Variants in CYP2C18 observed in about 807,000 individuals in gnomAD.
The protein encoded by CYP2C18 is cytochrome P450 family 2 subfamily C member 18.
Under a neutral mutation model 41.3 loss-of-function variants are expected in CYP2C18, and 38 were observed. The ratio of observed to expected loss-of-function variants is 0.92; its 90% CI spans 0.71 to 1.21. CYP2C18 has a LOEUF of 1.21. Ranked by LOEUF, CYP2C18 falls within the 50% of genes most tolerant of loss-of-function variation. The probability of loss-of-function intolerance (pLI) is 0.00; values close to 1 mark genes in which losing one functional copy is unlikely to be tolerated. For missense variants in CYP2C18, 635 were observed against 591.4 expected, an observed-to-expected ratio of 1.07 and a Z score of -0.77; for synonymous variants, 236 against 210.0, an observed-to-expected ratio of 1.12 and a Z score of -1.07.
At chr10:94,697,261 A>G (rs1427459327) in intron 4 of CYP2C18, among the ~76,000 whole-genome samples, 1 of 152,268 alleles carries the variant, frequency 6.6e-6, no homozygotes, top group East Asian at 1.9e-4. Flanking sequence ...AGGGAAGCCC[A>G]TCAGACTAAC....
intron 7 of CYP2C18, among the ~76,000 whole-genome samples, chr10:94,732,149 C>T (rs1307774586): frequency 6.6e-6 from 1 of 151,948 alleles, no homozygotes; most frequent in Non-Finnish European, 1.5e-5. Flanking sequence ...CAAATAATGC[C>T]ATTAAAAAGT....
At chr10:94,684,068 G>A in intron 1 of CYP2C18, 81 bp downstream of exon 1, 2 of 997,104 alleles carry the variant, frequency 2.0e-6, no homozygotes, top group Non-Finnish European at 2.8e-6. Context: ...TCATTTTAAA[G>A]TGATAAATGA....
intron 1 of CYP2C18, 70 bp downstream of exon 1, chr10:94,684,057 T>C: frequency 8.8e-7 from 1 of 1,140,392 alleles, no homozygotes; most frequent in Non-Finnish European, 1.2e-6. Flanking sequence ...AAAGTTTTAT[T>C]TCATTTTAAA....
intron 3 of CYP2C18, among the ~76,000 whole-genome samples, chr10:94,692,786 G>A (rs1441493655): frequency 6.6e-6 from 1 of 152,114 alleles, no homozygotes; most frequent in Non-Finnish European, 1.5e-5. Flanking sequence ...GTCCAACAAC[G>A]ATAGACTGGA....
At chr10:94,702,001 A>T (rs936423002) in intron 4 of CYP2C18, among the ~76,000 whole-genome samples, 2 of 152,130 alleles carry the variant, frequency 1.3e-5, no homozygotes, top group African/African-American at 4.8e-5. Flanking sequence ...CTGGTAAAAA[A>T]AAAATAAAAA....
intron 8 of CYP2C18, 34 bp downstream of exon 8, chr10:94,733,472 G>A (rs758844768): frequency 5.0e-6 from 8 of 1,610,204 alleles, no homozygotes; most frequent in Admixed American, 3.4e-5. Context: ...GTCCTTCAGG[G>A]CACATGATAC....
intron 5 of CYP2C18, among the ~76,000 whole-genome samples, chr10:94,715,446 G>A (rs536816724): frequency 1.3e-5 from 2 of 152,112 alleles, no homozygotes; most frequent in Non-Finnish European, 2.9e-5. Context: ...TAATCATGTG[G>A]TTTTTGTCTT....
intron 7 of CYP2C18, among the ~76,000 whole-genome samples, chr10:94,730,383 C>T (rs995365656): frequency 2.0e-5 from 3 of 152,106 alleles, no homozygotes; most frequent in African/African-American, 7.2e-5. Flanking sequence ...CAATTCATTT[C>T]TCTTTTCAAG....
chr10:94,714,283 T>A (rs1353050945), intron 5 of CYP2C18, among the ~76,000 whole-genome samples: 1 of 152,180 alleles, frequency 6.6e-6, no homozygotes, highest in African/African-American at 2.4e-5. Flanking sequence ...ATTGCCTAGG[T>A]TTTCTTCTAG....
chr10:94,718,405 C>T (rs1283224741), intron 5 of CYP2C18, among the ~76,000 whole-genome samples: 3 of 151,498 alleles, frequency 2.0e-5, no homozygotes, highest in Admixed American at 6.6e-5. Context: ...GACAATTTTA[C>T]TTCTTTTCTT....
intron 7 of CYP2C18, among the ~76,000 whole-genome samples, chr10:94,727,614 C>CAAA (rs201693884): frequency 7.1e-6 from 1 of 140,672 alleles, no homozygotes; most frequent in Non-Finnish European, 1.5e-5. Context: ...GGCCCTGTCT[C>CAAA]AAAAAAAACA....
chr10:94,732,278 C>T (rs930884508), intron 7 of CYP2C18, among the ~76,000 whole-genome samples: 2 of 152,052 alleles, frequency 1.3e-5, no homozygotes, highest in African/African-American at 4.8e-5. Flanking sequence ...GGGATACCAT[C>T]TCACATCAGT....
chr10:94,734,622 G>C (rs946476223), intron 8 of CYP2C18, among the ~76,000 whole-genome samples: 1 of 152,080 alleles, frequency 6.6e-6, no homozygotes, highest in Admixed American at 6.6e-5. Flanking sequence ...AAGAGATAAA[G>C]CTTGAAACTT....
chr10:94,717,937 A>AT (rs1257238339), intron 5 of CYP2C18, among the ~76,000 whole-genome samples: 1 of 151,780 alleles, frequency 6.6e-6, no homozygotes, highest in Non-Finnish European at 1.5e-5. Flanking sequence ...CTATTTGGGT[A>AT]TTTTTGTGGT....
At chr10:94,733,982 G>T (rs992899667) in intron 8 of CYP2C18, among the ~76,000 whole-genome samples, 10 of 152,004 alleles carry the variant, frequency 6.6e-5, no homozygotes, top group Admixed American at 1.3e-4. Flanking sequence ...GCTCAGTGGG[G>T]GAATCTGCCT....
rs111309889 is a variant in CYP2C18, at chr10:94,734,264, C to G, written c.1291+826C>G. Among the ~76,000 whole-genome samples, 320 of 152,236 alleles carry G rather than the reference C, an allele frequency of 2.1e-3. 2 individuals are homozygous for G. Among genetic ancestry groups the G allele is most frequent in the African/African-American group, 6.6e-3 (275 of 41,548 alleles). Reference sequence around the variant, plus strand: ...CTCATGATCATACATCTTGGATATTCAATCTCTACAGCTAAAGTGTGTGGT... The same window carrying G: ...CTCATGATCATACATCTTGGATATTGAATCTCTACAGCTAAAGTGTGTGGT... On this transcript the variant is annotated intron_variant, in intron 8 of 8. Coordinates refer to ENST00000285979, the MANE Select transcript of CYP2C18 (RefSeq NM_000772.3).
rs188176946 is a variant in CYP2C18 at position 94,721,791 on chromosome 10, C to T, written c.961+1254C>T. Among the ~76,000 whole-genome samples the T allele has an allele frequency of 4.4e-3, 672 of 152,100 alleles. 5 individuals are homozygous for T. The highest frequency in any genetic ancestry group is 0.037 in the South Asian group (178 of 4,820). ...CATGTTGCCACAAAAGACACGATTT[C>T]GTTCTTTTACATGGCTGAGTAGTAG... On this transcript the variant is annotated intron_variant, in intron 6 of 8. Transcript: ENST00000285979.
chr10:94,732,011 C>A (rs1847842381), intron 7 of CYP2C18, among the ~76,000 whole-genome samples: 1 of 152,072 alleles, frequency 6.6e-6, no homozygotes, highest in Non-Finnish European at 1.5e-5. Flanking sequence ...AGAGCTTCTG[C>A]ATAACAAAAG....
In CYP2C18 at chr10:94,720,529, A is replaced by AG; in HGVS notation, c.955dup (p.Val319GlyfsTer4). On this transcript the variant is annotated frameshift_variant, in exon 6 of 9. Coordinates refer to ENST00000285979, the MANE Select transcript of CYP2C18 (RefSeq NM_000772.3). LOFTEE classifies it high-confidence loss of function. ...CTCCTGCTCCTGCTGAAGTACCCAG[A>AG]GGTCACAGGTATGATGATACCATAG... The AG allele has an allele frequency of 1.9e-6, 3 of 1,613,012 alleles. No homozygotes were observed. The highest frequency in any genetic ancestry group is 2.5e-6 in the Non-Finnish European group (3 of 1,179,472).
Sources: gnomAD v4.1 joint callset for allele counts (sites outside exome capture counted in the v4.1 genomes callset) on GRCh38, gnomAD v4.1.1 for gene constraint, MANE v1.5 for transcripts, NCBI Gene and HGNC (gene_info 2026-07-23, HGNC 2026-07-21) for gene names.